Variants in ASTN2 observed in about 807,000 individuals in gnomAD.
ASTN2 encodes the protein astrotactin 2.
A neutral mutation model predicts 139.8 loss-of-function variants in ASTN2; 54 were observed. The ratio of observed to expected loss-of-function variants is 0.39; its 90% CI spans 0.31 to 0.48. The LOEUF (loss-of-function observed/expected upper bound fraction) is 0.48, where lower values mean the gene tolerates loss of function less well. ASTN2 is among the 20% of genes least tolerant of loss of function. The pLI is 0.95. For synonymous variants in ASTN2, 756 were observed against 719.5 expected (o/e 1.05, Z -0.81); for missense variants, 1,565 against 1,725.1 (o/e 0.91, Z 1.64).
At chr9:116,880,989 C>T (rs1056105657) in intron 10 of ASTN2, among the ~76,000 whole-genome samples, 1 of 152,142 alleles carries the variant, frequency 6.6e-6, no homozygotes, top group Non-Finnish European at 1.5e-5. Flanking sequence ...TTTTCCTGGG[C>T]TGGCTAGAGA....
intron 19 of ASTN2, among the ~76,000 whole-genome samples, chr9:116,508,674 T>A (rs114944460): frequency 0.025 from 3,881 of 152,268 alleles, 142 homozygotes; most frequent in African/African-American, 0.081. Context: ...AAGTTGGGTA[T>A]CAGAGAGGGG....
In ASTN2 at chr9:117,117,678, TC is replaced by T. The variant is rs1829432511; in HGVS notation, c.1169-21528del. Among the ~76,000 whole-genome samples, 6 of 152,324 alleles carry T rather than the reference TC, an allele frequency of 3.9e-5. No homozygotes were observed. The South Asian group carries it at 1.2e-3, about 32-fold the overall frequency. On this transcript the variant is annotated intron_variant, in intron 4 of 22. Coordinates refer to ENST00000313400, the MANE Select transcript of ASTN2 (RefSeq NM_001365068.1). ...TTTGATGAGATGTTTTCCAATTTAATCCTGTTTGCTGAGTTATTAGCCTGTT... is the reference window on the plus strand; with the variant it reads ...TTTGATGAGATGTTTTCCAATTTAATCTGTTTGCTGAGTTATTAGCCTGTT...
chr9:117,278,482 G>A (rs1190330940), intron 2 of ASTN2, among the ~76,000 whole-genome samples: 1 of 152,152 alleles, frequency 6.6e-6, no homozygotes, highest in African/African-American at 2.4e-5. Context: ...AAGGAGGTGA[G>A]CAGAGAAAAA....
At chr9:116,968,037 T>G (rs1446129254) in intron 10 of ASTN2, among the ~76,000 whole-genome samples, 3 of 152,220 alleles carry the variant, frequency 2.0e-5, no homozygotes, top group Non-Finnish European at 4.4e-5. Flanking sequence ...TCATTGAATA[T>G]CAGTTACATG....
chr9:117,205,419 G>A (rs1831885078), intron 3 of ASTN2, among the ~76,000 whole-genome samples: 1 of 152,068 alleles, frequency 6.6e-6, no homozygotes, highest in African/African-American at 2.4e-5. Context: ...CCTTCAAGGA[G>A]GAAACTGAAG....
At chr9:117,195,832 A>C (rs1334112751) in intron 3 of ASTN2, among the ~76,000 whole-genome samples, 2 of 152,082 alleles carry the variant, frequency 1.3e-5, no homozygotes, top group African/African-American at 4.8e-5. Flanking sequence ...AGTTCCCTGC[A>C]CCCTTGGGGA....
Position 117,039,565 on chromosome 9 carries a change from C to T in ASTN2, c.1423+254G>A, listed in dbSNP as rs1838491435. On this transcript the variant is annotated intron_variant, in intron 6 of 22. Transcript: ENST00000313400. The stretch of plus-strand genomic sequence containing the variant: ...TACCTGTGCAACAAACCTGCATGTT[C>T]AGCACATGTATCCCCAAACTTAGAG... Among the ~76,000 whole-genome samples the T allele has an allele frequency of 1.3e-5, 2 of 151,680 alleles. 1 individual carries two copies. Among genetic ancestry groups the T allele is most frequent in the South Asian group, 4.2e-4 (2 of 4,782 alleles).
At chr9:116,547,474 A>G (rs1366925157) in intron 19 of ASTN2, 1 of 152,172 alleles carries the variant, frequency 6.6e-6, no homozygotes, top group African/African-American at 2.4e-5. Flanking sequence ...TGTAATGGCT[A>G]AGAGGCTGAA....
chr9:116,554,191 C>T (rs2119419471), intron 19 of ASTN2, among the ~76,000 whole-genome samples: 1 of 152,198 alleles, frequency 6.6e-6, no homozygotes, highest in East Asian at 1.9e-4. Flanking sequence ...TGTATTATCT[C>T]TCGTAATGAT....
At chr9:117,190,045 T>C (rs1450572951) in intron 3 of ASTN2, among the ~76,000 whole-genome samples, 10 of 152,160 alleles carry the variant, frequency 6.6e-5, no homozygotes, top group Non-Finnish European at 8.8e-5. Context: ...CTGGGAGATG[T>C]GAGTTCCAAT....
intron 19 of ASTN2, among the ~76,000 whole-genome samples, chr9:116,570,400 T>G (rs556662445): frequency 0.16 from 24,446 of 152,052 alleles, 2,136 homozygotes; most frequent in African/African-American, 0.22. Flanking sequence ...AGTCTCTTTT[T>G]TTTTTTGAGA....
At chr9:116,456,342 A>G (rs1425970789) in intron 20 of ASTN2, among the ~76,000 whole-genome samples, 2 of 152,222 alleles carry the variant, frequency 1.3e-5, no homozygotes, top group African/African-American at 4.8e-5. Context: ...CATTGAGTCA[A>G]GAAATTGAAG....
At chr9:116,865,690 C>T (rs956460921) in intron 10 of ASTN2, among the ~76,000 whole-genome samples, 3 of 152,056 alleles carry the variant, frequency 2.0e-5, no homozygotes, top group African/African-American at 7.2e-5. Flanking sequence ...GAAGGCAATG[C>T]CTAGTCACTG....
At chr9:117,173,049 T>C (rs1436966633) in intron 3 of ASTN2, among the ~76,000 whole-genome samples, 1 of 152,102 alleles carries the variant, frequency 6.6e-6, no homozygotes, top group Admixed American at 6.6e-5. Flanking sequence ...GATTTTCTCA[T>C]TTATAAAATA....
intron 2 of ASTN2, among the ~76,000 whole-genome samples, chr9:117,279,688 C>A (rs1834279588): frequency 6.6e-6 from 1 of 152,192 alleles, no homozygotes; most frequent in Admixed American, 6.5e-5. Flanking sequence ...CTTGTGTACT[C>A]TTCACTCAGC....
intron 10 of ASTN2, among the ~76,000 whole-genome samples, chr9:116,946,706 A>G (rs1166571808): frequency 6.6e-6 from 1 of 152,094 alleles, no homozygotes; most frequent in Non-Finnish European, 1.5e-5. Flanking sequence ...TTGAGCCTTT[A>G]AGAAAAAGAG....
chr9:116,610,913 G>C (rs1469736061), intron 19 of ASTN2: 1 of 151,954 alleles, frequency 6.6e-6, no homozygotes, highest in East Asian at 1.9e-4. Flanking sequence ...AAATCAGAAA[G>C]GCTCCAGAAG....
chr9:117,324,010 C>T (rs1329467966), intron 1 of ASTN2, among the ~76,000 whole-genome samples: 1 of 152,090 alleles, frequency 6.6e-6, no homozygotes, highest in Non-Finnish European at 1.5e-5. Context: ...GTCATGTGCC[C>T]TCCTAACTAA....
At position 116,609,379 on chromosome 9, in the gene ASTN2, G is replaced by GTATATATATATATATATATATATA. The variant is rs56938236; in HGVS notation, c.3355+8921_3355+8944dup. On this transcript the variant is annotated intron_variant, in intron 19 of 22. Transcript: ENST00000313400. ...ATATACATGAATTATATATATGGGT[G>GTATATATATATATATATATATATA]TATATATATATATATATATATATAT... 1.1e-3 allele frequency among the ~76,000 whole-genome samples: 129 copies of GTATATATATATATATATATATATA among 116,682 alleles called. 3 individuals carry two copies. Among genetic ancestry groups the GTATATATATATATATATATATATA allele is most frequent in the Middle Eastern group, 5.2e-3 (1 of 194 alleles). The allele number at this position is 116,682 out of a possible 152,430, so 76.5% of individuals were successfully genotyped here.
Sources: allele counts gnomAD v4.1 joint callset (sites outside exome capture counted in the v4.1 genomes callset), GRCh38; gene constraint gnomAD v4.1.1; transcripts MANE v1.5; gene names NCBI Gene and HGNC (gene_info 2026-07-23, HGNC 2026-07-21).